HPSE2: variants seen among roughly 807,000 people sequenced by gnomAD.
HPSE2 encodes the protein heparanase 2 (inactive).
A neutral mutation model predicts 60.5 loss-of-function variants in HPSE2; 38 were observed. That is an observed-to-expected ratio of 0.63 (90% CI 0.48 to 0.82). The LOEUF (loss-of-function observed/expected upper bound fraction) is 0.82, where lower values mean the gene tolerates loss of function less well. Ranked by LOEUF, HPSE2 falls within the 40% of genes least tolerant of loss-of-function variation. The pLI, the probability that HPSE2 is intolerant of heterozygous loss-of-function variation, is 0.00. For synonymous variants in HPSE2, 295 were observed against 293.2 expected (o/e 1.01, Z -0.06); for missense variants, 713 against 740.4 (o/e 0.96, Z 0.43).
At chr10:99,136,179 T>C (rs941759795) in intron 3 of HPSE2, among the ~76,000 whole-genome samples, 1 of 151,922 alleles carries the variant, frequency 6.6e-6, no homozygotes, top group African/African-American at 2.4e-5. Context: ...CCCTCCCAAG[T>C]CTAAACCAGG....
intron 9 of HPSE2, among the ~76,000 whole-genome samples, chr10:98,536,776 G>A (rs1943295906): frequency 6.6e-6 from 1 of 152,154 alleles, no homozygotes; most frequent in Non-Finnish European, 1.5e-5. Flanking sequence ...ACTGTGGTAG[G>A]CACTGGGATT....
At chr10:99,250,913 A>C in the HPSE2 span, among the ~76,000 whole-genome samples, 43 of 152,294 alleles carry the variant, frequency 2.8e-4, no homozygotes, top group East Asian at 8.3e-3. Context: ...AATTAGAAAG[A>C]TCTTAAATTA....
At chr10:98,547,680 G>A (rs1403821053) in intron 9 of HPSE2, among the ~76,000 whole-genome samples, 1 of 148,020 alleles carries the variant, frequency 6.8e-6, no homozygotes, top group Non-Finnish European at 1.5e-5. Context: ...GGGGAGGGAT[G>A]GCATTAGGTG....
intron 2 of HPSE2, among the ~76,000 whole-genome samples, chr10:99,205,569 G>A (rs1202831767): frequency 6.6e-6 from 1 of 152,072 alleles, no homozygotes; most frequent in Non-Finnish European, 1.5e-5. Context: ...GCAACAGAGT[G>A]AGACTCTGTC....
intron 3 of HPSE2, among the ~76,000 whole-genome samples, chr10:98,798,598 T>C (rs1950834318): frequency 6.6e-6 from 1 of 152,174 alleles, no homozygotes; most frequent in Non-Finnish European, 1.5e-5. Context: ...AGTTAAAGTA[T>C]AGAGTTTTAA....
intron 3 of HPSE2, among the ~76,000 whole-genome samples, chr10:98,750,978 C>T (rs936931046): frequency 1.3e-5 from 2 of 152,086 alleles, no homozygotes; most frequent in East Asian, 1.9e-4. Flanking sequence ...AGGGATCTTC[C>T]AGTTTACAGA....
intron 3 of HPSE2, among the ~76,000 whole-genome samples, chr10:99,094,534 ATATATATTTTTTTTTTTTTTTT>A (rs1356623265): frequency 6.2e-4 from 11 of 17,776 alleles, no homozygotes; most frequent in Non-Finnish European, 1.1e-3. Flanking sequence ...ATATATATAT[ATATATATTTTTTTTTTTTTTTT>A]TTTTTTTTTT....
intron 3 of HPSE2, among the ~76,000 whole-genome samples, chr10:98,820,346 A>T (rs1244754088): frequency 6.6e-6 from 1 of 152,190 alleles, no homozygotes; most frequent in African/African-American, 2.4e-5. Context: ...GGACCATGTC[A>T]AACATTTGGG....
chr10:99,098,665 G>C (rs1206047085), intron 3 of HPSE2, among the ~76,000 whole-genome samples: 1 of 152,066 alleles, frequency 6.6e-6, no homozygotes, highest in African/African-American at 2.4e-5. Context: ...TTAAAATATT[G>C]CTACTTTATT....
chr10:99,169,034 A>T (rs1262923161), intron 2 of HPSE2, among the ~76,000 whole-genome samples: 1 of 151,704 alleles, frequency 6.6e-6, no homozygotes, highest in Admixed American at 6.6e-5. Context: ...AACTAAAAAA[A>T]TACAAAAAAT....
At chr10:98,978,342 G>C (rs557609624) in intron 3 of HPSE2, among the ~76,000 whole-genome samples, 1 of 152,096 alleles carries the variant, frequency 6.6e-6, no homozygotes, top group Non-Finnish European at 1.5e-5. Context: ...TCATAGAGAA[G>C]AGACTTGCTT....
intron 3 of HPSE2, among the ~76,000 whole-genome samples, chr10:98,992,849 G>T (rs986313833): frequency 6.6e-6 from 1 of 152,190 alleles, no homozygotes; most frequent in African/African-American, 2.4e-5. Flanking sequence ...ACAGCACTGG[G>T]TTCCAATCCT....
intron 3 of HPSE2, among the ~76,000 whole-genome samples, chr10:99,019,666 A>G (rs556323838): frequency 2.4e-4 from 37 of 151,856 alleles, no homozygotes; most frequent in Non-Finnish European, 4.0e-4. Context: ...CCTCTCAAAT[A>G]CAACGGCAGG....
chr10:98,676,062 C>T (rs1240492951), intron 6 of HPSE2, among the ~76,000 whole-genome samples: 1 of 151,582 alleles, frequency 6.6e-6, no homozygotes, highest in South Asian at 2.1e-4. Context: ...GAAGTGAGGG[C>T]TAAACCCTTT....
rs78736335 is a variant in HPSE2, at chr10:98,553,002, A to G, written c.1320+61902T>C. Among the ~76,000 whole-genome samples, 925 of 152,270 alleles carry G rather than the reference A, an allele frequency of 6.1e-3. 10 individuals carry two copies. Among genetic ancestry groups the G allele is most frequent in the African/African-American group, 0.021 (868 of 41,552 alleles). ...TTGCCTGCAAAAGACCCTTAATAAA[A>G]ATTGCTTGGATTAAATTGAATTCTA... On this transcript the variant is annotated intron_variant, in intron 9 of 11. Transcript: ENST00000370552.
intron 9 of HPSE2, among the ~76,000 whole-genome samples, chr10:98,500,955 G>A (rs946983590): frequency 2.6e-5 from 4 of 151,902 alleles, no homozygotes; most frequent in African/African-American, 9.7e-5. Flanking sequence ...TAGAAGAGGT[G>A]GATAAATTCC....
chr10:98,986,591 G>A (rs934753515), intron 3 of HPSE2, among the ~76,000 whole-genome samples: 1 of 147,774 alleles, frequency 6.8e-6, no homozygotes, highest in Non-Finnish European at 1.5e-5. Context: ...AACTAGAGAA[G>A]CAAGAGCAAA....
chr10:98,575,260 G>C (rs950252100), intron 9 of HPSE2, among the ~76,000 whole-genome samples: 1 of 152,152 alleles, frequency 6.6e-6, no homozygotes, highest in African/African-American at 2.4e-5. Context: ...AAGAATATCT[G>C]CTATCTACAC....
intron 6 of HPSE2, among the ~76,000 whole-genome samples, chr10:98,690,857 C>G (rs1041380449): frequency 6.6e-6 from 1 of 152,148 alleles, no homozygotes; most frequent in Admixed American, 6.5e-5. Flanking sequence ...CAAAATATAG[C>G]AAACCCAAGA....
Sources: gnomAD v4.1 joint callset for allele counts (sites outside exome capture counted in the v4.1 genomes callset) on GRCh38, gnomAD v4.1.1 for gene constraint, MANE v1.5 for transcripts, NCBI Gene and HGNC (gene_info 2026-07-23, HGNC 2026-07-21) for gene names.